Variants in ATP11C observed in about 807,000 individuals in gnomAD.
The protein encoded by ATP11C is ATPase phospholipid transporting 11C (ATP11C blood group), also known as phospholipid-transporting ATPase IG.
Under a neutral mutation model 97.4 loss-of-function variants are expected in ATP11C, and 36 were observed. The ratio of observed to expected loss-of-function variants is 0.37; its 90% confidence interval spans 0.28 to 0.49. The LOEUF (loss-of-function observed/expected upper bound fraction) is 0.49. ATP11C is among the 20% of genes least tolerant of loss of function. ATP11C has a pLI of 0.98. For synonymous variants in ATP11C, 275 were observed against 290.9 expected, an observed-to-expected ratio of 0.95 and a Z score of 0.56; for missense variants, 730 against 824.6, an observed-to-expected ratio of 0.89 and a Z score of 1.40.
intron 28 of ATP11C, among the ~76,000 whole-genome samples, chrX:139,736,160 A>C (rs921867895): frequency 3.6e-5 from 4 of 110,554 alleles, no homozygotes; most frequent in Admixed American, 9.9e-5. Flanking sequence ...ACAGAAGTTC[A>C]GAATCTGTTC....
chrX:139,936,413 A>C (rs1410191600), upstream of ATP11C, among the ~76,000 whole-genome samples: 3 of 111,099 alleles, frequency 2.7e-5, no homozygotes, highest in East Asian at 8.5e-4. Flanking sequence ...CATTGGGACA[A>C]CTCCATTGAA....
intron 1 of ATP11C, among the ~76,000 whole-genome samples, chrX:139,863,675 G>A (rs767475924): frequency 4.8e-4 from 54 of 112,021 alleles, no homozygotes; most frequent in African/African-American, 1.7e-3. Context: ...CAGAGTTAGA[G>A]TAGAAACTAG....
intron 24 of ATP11C, among the ~76,000 whole-genome samples, chrX:139,747,543 C>T (rs928174434): frequency 1.8e-5 from 2 of 111,431 alleles, no homozygotes; most frequent in Non-Finnish European, 3.8e-5. Flanking sequence ...TTTCTTTTGC[C>T]TTTTAAAGCT....
chrX:139,877,740 G>A lies in ATP11C; in HGVS notation c.28-50917C>T, dbSNP rs181554459. ...GAAATAACACAGAATGGTAAAAAACGGCCAAGCCCAGTGACTCATGCCTGT... is the reference window on the plus strand; with the variant it reads ...GAAATAACACAGAATGGTAAAAAACAGCCAAGCCCAGTGACTCATGCCTGT... On this transcript the variant is annotated intron_variant, in intron 1 of 29. Coordinates refer to ENST00000682941, the MANE Select transcript of ATP11C (RefSeq NM_001353812.2). 7.3e-3 allele frequency among the ~76,000 whole-genome samples: 815 copies of A among 112,261 alleles called. 8 individuals carry two copies. Among genetic ancestry groups the A allele is most frequent in the African/African-American group, 0.025 (765 of 30,890 alleles).
At chrX:139,754,260 C>T in intron 23 of ATP11C, among the ~76,000 whole-genome samples, 1 of 111,024 alleles carries the variant, frequency 9.0e-6, no homozygotes, top group Middle Eastern at 4.6e-3. Context: ...ATACAACCTC[C>T]CAAGACTGAA....
chrX:139,741,817 C>T (rs1029384880), intron 26 of ATP11C, among the ~76,000 whole-genome samples: 2 of 111,481 alleles, frequency 1.8e-5, no homozygotes, highest in African/African-American at 3.3e-5. Flanking sequence ...TGGACTATTT[C>T]GCTTGCTTAA....
intron 6 of ATP11C, among the ~76,000 whole-genome samples, chrX:139,803,582 T>C (rs1261363349): frequency 9.1e-6 from 1 of 110,402 alleles, no homozygotes; most frequent in African/African-American, 3.3e-5. Context: ...AAATTTACTT[T>C]AAGTCACTTG....
At position 139,845,587 on chromosome X, in the gene ATP11C, T is replaced by C. The variant is rs768717132; in HGVS notation, c.28-18764A>G. 3.6e-4 allele frequency among the ~76,000 whole-genome samples: 40 copies of C among 111,849 alleles called. No individual in the cohort carries two copies. In the Admixed American group the frequency reaches 3.6e-3, roughly 10 times the overall value. On this transcript the variant is annotated intron_variant, in intron 1 of 29. Transcript: ENST00000682941. The stretch of plus-strand genomic sequence containing the variant: ...AGTATAAACTACATTAATTAGAGCT[T>C]TTAAACATTGAACAATTAAGTTTAC...
intron 2 of ATP11C, among the ~76,000 whole-genome samples, chrX:139,823,191 G>A (rs887417652): frequency 9.0e-6 from 1 of 111,264 alleles, no homozygotes; most frequent in Non-Finnish European, 1.9e-5. Flanking sequence ...CAGCCTGGGC[G>A]ACAGAGACTC....
chrX:139,890,976 TCA>T (rs1260467812), intron 1 of ATP11C, among the ~76,000 whole-genome samples: 1 of 110,805 alleles, frequency 9.0e-6, no homozygotes, highest in Admixed American at 9.7e-5. Flanking sequence ...CCAGCAAACT[TCA>T]TTAAGTTCTA....
In ATP11C at chrX:139,741,132, C is replaced by T. The variant is rs187463573; in HGVS notation, c.3031-38G>A. On this transcript the variant is annotated intron_variant, in intron 26 of 29. Transcript: ENST00000682941. ...AACACAAAAGATTTCACGACGGTTA[C>T]GAATTGCACCAGGCAATACGCTATA... 1.2e-3 allele frequency: 1,047 copies of T among 875,090 alleles called. 1 individual carries two copies. Among genetic ancestry groups the T allele is most frequent in the Non-Finnish European group, 1.6e-3 (943 of 593,741 alleles). The allele number at this position is 875,090 out of a possible 1,213,427, so 72.1% of individuals were successfully genotyped here.
chrX:139,788,363 T>C lies in ATP11C; in HGVS notation c.1369-20A>G, dbSNP rs780475343. The C allele has an allele frequency of 1.1e-5, 13 of 1,178,422 alleles. No homozygotes were observed. Among genetic ancestry groups the C allele is most frequent in the Non-Finnish European group, 1.5e-5 (13 of 870,198 alleles). On this transcript the variant is annotated intron_variant, in intron 13 of 29. Transcript: ENST00000682941. ...TCGATTCTGTGGAACAGCAACAAAA[T>C]AATGATTATTATTTTTAATTTGATC...
At chrX:139,892,698 T>TACAAAA (rs2084748790) in intron 1 of ATP11C, among the ~76,000 whole-genome samples, 1 of 111,650 alleles carries the variant, frequency 9.0e-6, no homozygotes, top group African/African-American at 3.3e-5. Flanking sequence ...ACAGCAATCT[T>TACAAAA]ACAAAAACAT....
chrX:139,827,827 A>T (rs1390179074), intron 1 of ATP11C, among the ~76,000 whole-genome samples: 1 of 112,025 alleles, frequency 8.9e-6, no homozygotes, highest in East Asian at 2.8e-4. Flanking sequence ...TAATCATTTT[A>T]AGCAAGACTA....
intron 1 of ATP11C, among the ~76,000 whole-genome samples, chrX:139,913,831 C>A (rs1035247934): frequency 9.8e-5 from 11 of 111,808 alleles, no homozygotes; most frequent in Non-Finnish European, 1.1e-4. Context: ...GATCTCTTCA[C>A]ACGGACGCGA....
intron 18 of ATP11C, among the ~76,000 whole-genome samples, chrX:139,776,501 T>C (rs1209439064): frequency 8.9e-6 from 1 of 111,758 alleles, no homozygotes; most frequent in East Asian, 2.8e-4. Context: ...AACTGAAGAT[T>C]GTGAGCCCTA....
rs190242321 is a variant in ATP11C at position 139,754,256 on chromosome X, C to T, written c.2700+3552G>A. On this transcript the variant is annotated intron_variant, in intron 23 of 29. Transcript: ENST00000682941. ...TGGTTAAATTTCTGGACATATACAA[C>T]CTCCCAAGACTGAACCAGTCAGAAA... 5.4e-5 allele frequency among the ~76,000 whole-genome samples: 6 copies of T among 111,167 alleles called. No homozygotes were observed. The Admixed American group carries it at 5.7e-4, about 11-fold the overall frequency.
chrX:139,894,818 T>C (rs767936250), intron 1 of ATP11C, among the ~76,000 whole-genome samples: 68 of 111,863 alleles, frequency 6.1e-4, no homozygotes, highest in African/African-American at 2.1e-3. Context: ...TGAGAAAGTC[T>C]AATAACTGGT....
intron 1 of ATP11C, among the ~76,000 whole-genome samples, chrX:139,844,567 G>C (rs1280871878): frequency 1.8e-5 from 2 of 112,188 alleles, no homozygotes; most frequent in South Asian, 3.7e-4. Context: ...CTCTGAACAA[G>C]AAGGGGGCCA....
Sources: gnomAD v4.1 joint callset for allele counts (sites outside exome capture counted in the v4.1 genomes callset) on GRCh38, gnomAD v4.1.1 for gene constraint, MANE v1.5 for transcripts, NCBI Gene and HGNC (gene_info 2026-07-23, HGNC 2026-07-21) for gene names.